Variants in SLAMF9 observed in about 807,000 individuals in gnomAD.
SLAMF9 encodes the protein SLAM family member 9, also known as CD2 family member 10.
A neutral mutation model predicts 30.4 loss-of-function variants in SLAMF9; 25 were observed. That is an observed-to-expected ratio of 0.82 (90% CI 0.60 to 1.15). The LOEUF is 1.15. Ranked by LOEUF, SLAMF9 falls within the 50% of genes most tolerant of loss-of-function variation. The pLI, the probability that SLAMF9 is intolerant of heterozygous loss-of-function variation, is 0.00. For synonymous variants in SLAMF9, 129 were observed against 127.2 expected, an observed-to-expected ratio of 1.01 and a Z score of -0.09; for missense variants, 344 against 346.1, an observed-to-expected ratio of 0.99 and a Z score of 0.05.
At chr1:159,960,028 A>G in the SLAMF9 span, among the ~76,000 whole-genome samples, 1 of 151,536 alleles carries the variant, frequency 6.6e-6, no homozygotes, top group African/African-American at 2.4e-5. Flanking sequence ...ATATATATAT[A>G]TTATACTTTA....
chr1:159,982,727 T>C, the SLAMF9 span, among the ~76,000 whole-genome samples: 1 of 152,202 alleles, frequency 6.6e-6, no homozygotes, highest in African/African-American at 2.4e-5. Flanking sequence ...CACACACATG[T>C]GTGTAGGAAA....
At chr1:159,961,803 G>A in the SLAMF9 span, among the ~76,000 whole-genome samples, 196 of 152,290 alleles carry the variant, frequency 1.3e-3, 2 homozygotes, top group East Asian at 0.033. Flanking sequence ...CTACAAAGAC[G>A]GACTGCAGGC....
At chr1:159,968,738 A>G in the SLAMF9 span, among the ~76,000 whole-genome samples, 1 of 152,154 alleles carries the variant, frequency 6.6e-6, no homozygotes, top group Non-Finnish European at 1.5e-5. Flanking sequence ...ATTTTCTTCT[A>G]GTCTATGGAA....
At chr1:159,975,266 A>G in the SLAMF9 span, among the ~76,000 whole-genome samples, 274 of 152,298 alleles carry the variant, frequency 1.8e-3, 2 homozygotes, top group African/African-American at 6.4e-3. Flanking sequence ...GCGAAAAAAG[A>G]GATAAAGTGT....
chr1:159,952,132 G>A (rs916135308), intron 3 of SLAMF9, 130 bp downstream of exon 3: 34 of 1,100,236 alleles, frequency 3.1e-5, no homozygotes, highest in Non-Finnish European at 4.2e-5. Flanking sequence ...CAATCCAGGT[G>A]TCAAGCCTCC....
In SLAMF9 at chr1:159,951,803, A is replaced by G; in HGVS notation, c.728T>C (p.Ile243Thr). The G allele has an allele frequency of 1.2e-6, 2 of 1,614,206 alleles. No homozygotes were observed. Among genetic ancestry groups the G allele is most frequent in the Non-Finnish European group, 1.7e-6 (2 of 1,180,046 alleles). The change falls in exon 4 of 4, where the codon ATC becomes ACC. Residue 243 changes from isoleucine to threonine, a missense_variant. Physicochemically the swap from Ile to Thr is moderately conservative, Grantham distance 89. Transcript: ENST00000368093. The stretch of plus-strand genomic sequence containing the variant: ...GGCCAGAATTACCAAGAGCAAGAAG[A>G]TGAGCAATCCCTTGGCCAGGAGGCA... ...AFCLLAKGLL[I>T]FLLLVILAMG...
At chr1:159,962,174 A>G in the SLAMF9 span, among the ~76,000 whole-genome samples, 9 of 151,774 alleles carry the variant, frequency 5.9e-5, no homozygotes, top group Non-Finnish European at 2.9e-5. Context: ...AAAAAGGTTT[A>G]CCTTTGACGG....
chr1:159,975,692 GA>G, the SLAMF9 span, among the ~76,000 whole-genome samples: 4 of 152,194 alleles, frequency 2.6e-5, no homozygotes, highest in Non-Finnish European at 5.9e-5. Context: ...GCCTGGGCAA[GA>G]GAGAGAGGTG....
upstream of SLAMF9, among the ~76,000 whole-genome samples, chr1:159,954,676 T>C (rs908505672): frequency 1.9e-4 from 29 of 152,202 alleles, no homozygotes; most frequent in African/African-American, 7.2e-5. Flanking sequence ...CTGCACTCAA[T>C]TGATAGCTTT....
chr1:159,963,055 C>A, the SLAMF9 span, among the ~76,000 whole-genome samples: 1 of 152,204 alleles, frequency 6.6e-6, no homozygotes, highest in Admixed American at 6.5e-5. Flanking sequence ...TGTCGAAGAG[C>A]ATGCCTCTGG....
chr1:159,956,409 C>T (rs1444966908), upstream of SLAMF9, among the ~76,000 whole-genome samples: 1 of 152,054 alleles, frequency 6.6e-6, no homozygotes, highest in South Asian at 2.1e-4. Context: ...TTTGAGGGTG[C>T]AGTGAGCTAT....
chr1:159,962,535 CCA>C, the SLAMF9 span, among the ~76,000 whole-genome samples: 1 of 152,022 alleles, frequency 6.6e-6, no homozygotes, highest in African/African-American at 2.4e-5. Context: ...CCACCCCACC[CCA>C]CACACACCCA....
chr1:159,976,336 G>A, the SLAMF9 span, among the ~76,000 whole-genome samples: 5 of 152,100 alleles, frequency 3.3e-5, no homozygotes, highest in Non-Finnish European at 7.4e-5. Flanking sequence ...CCAAGATAAA[G>A]TGTTAGTGAA....
the SLAMF9 span, among the ~76,000 whole-genome samples, chr1:159,981,182 CTGATTGGTGTCCTTATAAGAAA>C: frequency 6.6e-6 from 1 of 152,090 alleles, no homozygotes; most frequent in Admixed American, 6.6e-5. Flanking sequence ...CTAATCCATT[CTGATTGGTGTCCTTATAAGAAA>C]AGGAAACCAG....
the SLAMF9 span, among the ~76,000 whole-genome samples, chr1:159,979,427 CA>C: frequency 2.6e-5 from 4 of 152,130 alleles, no homozygotes; most frequent in Non-Finnish European, 5.9e-5. Context: ...TATAAATGTT[CA>C]GAAAAAATGT....
the SLAMF9 span, among the ~76,000 whole-genome samples, chr1:159,965,236 T>C: frequency 6.6e-6 from 1 of 152,150 alleles, no homozygotes; most frequent in Non-Finnish European, 1.5e-5. Flanking sequence ...ATCTGTACCG[T>C]CTGATCAGAA....
the SLAMF9 span, among the ~76,000 whole-genome samples, chr1:159,964,475 G>A: frequency 2.6e-5 from 4 of 152,174 alleles, no homozygotes; most frequent in African/African-American, 4.8e-5. Flanking sequence ...CAGAGAGCCT[G>A]CTTTTATCTT....
chr1:159,951,666 C>T lies in SLAMF9; in HGVS notation c.865G>A (p.Ala289Thr), dbSNP rs1191641694. Residue 289 changes from alanine (A) to threonine (T), a missense_variant, in exon 4 of 4, where the codon GCC becomes ACC. Ala to Thr is a moderately conservative substitution (Grantham distance 58, BLOSUM62 0). Transcript: ENST00000368093. Reference sequence around the variant, plus strand: ...CTGGGGTTCCCAAGGAGCAGTCAGGCAGGGCTGGAGCCAGGCTTTGCCTCC... The same window carrying T: ...CTGGGGTTCCCAAGGAGCAGTCAGGTAGGGCTGGAGCCAGGCTTTGCCTCC... ...RKEAKPGSSP[A>T] is the part of the protein sequence containing the mutation. 3.7e-6 allele frequency: 6 copies of T among 1,613,896 alleles called. No homozygotes were observed. The highest frequency in any genetic ancestry group is 1.7e-5 in the Admixed American group (1 of 60,016).
rs746555790 is a variant in SLAMF9, at chr1:159,953,431, T to C, written c.269A>G (p.Asp90Gly). The C allele has an allele frequency of 1.2e-6, 2 of 1,614,056 alleles. No homozygotes were observed. The highest frequency in any genetic ancestry group is 2.2e-5 in the East Asian group (1 of 44,896). ...PHYQGQVSFL[D>G]PSYSLHISNL... Reference sequence around the variant, plus strand: ...GCTGATATGCAGGGAATAGCTGGGGTCCAGGAAGCTCACTTGGCCCTGGTA... The same window carrying C: ...GCTGATATGCAGGGAATAGCTGGGGCCCAGGAAGCTCACTTGGCCCTGGTA... The change falls in exon 2 of 4, where the codon GAC (aspartate) becomes GGC (glycine). Residue 90 changes from aspartate to glycine, a missense_variant. Physicochemically the swap from Asp to Gly is moderately conservative, Grantham distance 94 (BLOSUM62 -1). Transcript: ENST00000368093.
Sources: gnomAD v4.1 joint callset for allele counts (sites outside exome capture counted in the v4.1 genomes callset) on GRCh38, gnomAD v4.1.1 for gene constraint, MANE v1.5 for transcripts, NCBI Gene and HGNC (gene_info 2026-07-23, HGNC 2026-07-21) for gene names.